The following TCF4 variants were observed in gnomAD, a reference collection of about 807,000 sequenced individuals.
The protein encoded by TCF4 is SL3-3 enhancer factor 2.
A neutral mutation model predicts 82.1 loss-of-function variants in TCF4; 3 were observed. The observed-to-expected ratio is 0.04, with a 90% CI of 0.02 to 0.09. TCF4 has a LOEUF of 0.09. Ranked by LOEUF, TCF4 falls within the 10% of genes least tolerant of loss-of-function variation. The pLI, the probability that TCF4 is intolerant of heterozygous loss-of-function variation, is 1.00. For missense variants in TCF4, 518 were observed against 852.7 expected, an observed-to-expected ratio of 0.61 and a Z score of 4.89; for synonymous variants, 276 against 309.6, an observed-to-expected ratio of 0.89 and a Z score of 1.14.
chr18:55,229,064 A>G lies in TCF4; in HGVS notation c.1662T>C (p.Asp554=). Residue 554 remains aspartate (D), a synonymous_variant, in exon 18 of 20, where the codon GAT becomes GAC. Transcript: ENST00000354452. ...ITRSRSSNND[D]EDLTPEQKAE... is the part of the protein sequence containing the mutation. ...CCTTCTGCTCTGGTGTCAGGTCCTCATCGTCATTATTGCTGTGGGACAAAA... is the reference window on the plus strand; with the variant it reads ...CCTTCTGCTCTGGTGTCAGGTCCTCGTCGTCATTATTGCTGTGGGACAAAA... The G allele has an allele frequency of 6.2e-7, 1 of 1,614,092 alleles. No individual in the cohort carries two copies. Among genetic ancestry groups the G allele is most frequent in the African/African-American group, 1.3e-5 (1 of 75,020 alleles).
chr18:55,272,480 C>T lies in TCF4; in HGVS notation c.790-2517G>A, dbSNP rs1257764127. Among the ~76,000 whole-genome samples the T allele has an allele frequency of 2.0e-5, 3 of 152,054 alleles. No individual in the cohort carries two copies. The East Asian group carries it at 5.8e-4, about 29-fold the overall frequency. On this transcript the variant is annotated intron_variant, in intron 10 of 19. Transcript: ENST00000354452. ...CAAAGTGCGAGGCTTTACATGCCCA[C>T]TATTCGTTCATTTTAACTTATGATG...
intron 2 of TCF4, among the ~76,000 whole-genome samples, chr18:55,602,075 C>A (rs1351579749): frequency 6.6e-6 from 1 of 152,146 alleles, no homozygotes; most frequent in Non-Finnish European, 1.5e-5. Context: ...CACGTTAATG[C>A]CTACAAAATA....
intron 5 of TCF4, among the ~76,000 whole-genome samples, chr18:55,414,121 T>C (rs2094447678): frequency 1.3e-5 from 2 of 152,118 alleles, no homozygotes; most frequent in Admixed American, 6.5e-5. Context: ...AGGAGAGACA[T>C]GTATGTGAGA....
At chr18:55,538,813 G>GT (rs1468933493) in intron 3 of TCF4, among the ~76,000 whole-genome samples, 2 of 152,118 alleles carry the variant, frequency 1.3e-5, no homozygotes, top group African/African-American at 4.8e-5. Context: ...TAAAAAAATT[G>GT]TAAGATTTTA....
At chr18:55,298,388 A>G (rs1006952826) in intron 8 of TCF4, among the ~76,000 whole-genome samples, 6 of 152,188 alleles carry the variant, frequency 3.9e-5, no homozygotes, top group Admixed American at 6.5e-5. Context: ...CTCAAATCAA[A>G]TATCTCTCCA....
chr18:55,631,248 T>G (rs2148004821), intron 2 of TCF4: 1 of 816,498 alleles, frequency 1.2e-6, no homozygotes, highest in Admixed American at 2.3e-5. Context: ...CAGGATTTCA[T>G]CATGTTGGCC....
intron 3 of TCF4, among the ~76,000 whole-genome samples, chr18:55,561,624 A>C (rs1038647956): frequency 6.6e-6 from 1 of 152,238 alleles, no homozygotes; most frequent in African/African-American, 2.4e-5. Flanking sequence ...TATTCCTTAT[A>C]AAATGTATTT....
At chr18:55,483,212 C>T (rs1390243974) in intron 3 of TCF4, among the ~76,000 whole-genome samples, 1 of 152,260 alleles carries the variant, frequency 6.6e-6, no homozygotes, top group Non-Finnish European at 1.5e-5. Flanking sequence ...CATAAAGTTA[C>T]GAACCATTCT....
intron 8 of TCF4, among the ~76,000 whole-genome samples, chr18:55,325,842 T>A (rs2076459998): frequency 6.6e-6 from 1 of 152,190 alleles, no homozygotes; most frequent in African/African-American, 2.4e-5. Context: ...ATACAATGAT[T>A]ACATAACATA....
upstream of TCF4, chr18:55,591,223 CAAAAT>C (rs2097684877): frequency 6.6e-6 from 1 of 152,204 alleles, no homozygotes. Context: ...GTTCTCATCT[CAAAAT>C]AATATCTTAC....
chr18:55,622,172 C>CAT (rs397942410), intron 2 of TCF4, among the ~76,000 whole-genome samples: 13 of 89,780 alleles, frequency 1.4e-4, no homozygotes, highest in African/African-American at 5.1e-4. Context: ...CACACACACA[C>CAT]GCACTCACAC....
intron 6 of TCF4, among the ~76,000 whole-genome samples, chr18:55,373,171 C>T (rs755561057): frequency 6.6e-6 from 1 of 151,138 alleles, no homozygotes; most frequent in Non-Finnish European, 1.5e-5. Context: ...AAATAAAACA[C>T]AGAGACTATG....
At chr18:55,430,663 C>T (rs1326842129) in intron 5 of TCF4, among the ~76,000 whole-genome samples, 2 of 151,606 alleles carry the variant, frequency 1.3e-5, no homozygotes, top group Non-Finnish European at 2.9e-5. Flanking sequence ...GAGTAGTGAG[C>T]GAAACAGAAG....
chr18:55,245,104 A>G (rs1011790912), intron 15 of TCF4, among the ~76,000 whole-genome samples: 4 of 152,258 alleles, frequency 2.6e-5, no homozygotes, highest in Non-Finnish European at 5.9e-5. Context: ...TCAACCAAAT[A>G]GGTAGAACCC....
chr18:55,301,567 C>T (rs767371600), intron 8 of TCF4, among the ~76,000 whole-genome samples: 8 of 152,094 alleles, frequency 5.3e-5, no homozygotes, highest in Admixed American at 1.3e-4. Context: ...ACACACGCAA[C>T]GGCTCTAATT....
At chr18:55,614,115 G>C (rs2097709647) in intron 2 of TCF4, among the ~76,000 whole-genome samples, 1 of 152,098 alleles carries the variant, frequency 6.6e-6, no homozygotes, top group Non-Finnish European at 1.5e-5. Flanking sequence ...GACTGGTCTT[G>C]AACTCCTATT....
chr18:55,302,373 G>C (rs2068594471), intron 8 of TCF4: 1 of 1,519,704 alleles, frequency 6.6e-7, no homozygotes, highest in African/African-American at 1.4e-5. Flanking sequence ...TGTCAAGTCA[G>C]GCAGGCTCAG....
At chr18:55,566,763 A>G (rs1157683909) in intron 3 of TCF4, among the ~76,000 whole-genome samples, 1 of 152,212 alleles carries the variant, frequency 6.6e-6, no homozygotes, top group Non-Finnish European at 1.5e-5. Context: ...GGTCAAGCAC[A>G]CATGTAATCG....
intron 3 of TCF4, among the ~76,000 whole-genome samples, chr18:55,502,472 T>C (rs2096711947): frequency 6.6e-6 from 1 of 152,198 alleles, no homozygotes; most frequent in Non-Finnish European, 1.5e-5. Context: ...AAGGAAAACT[T>C]GGATGAGAAG....
Sources: gnomAD v4.1 joint callset for allele counts (sites outside exome capture counted in the v4.1 genomes callset) on GRCh38, gnomAD v4.1.1 for gene constraint, MANE v1.5 for transcripts, NCBI Gene and HGNC (gene_info 2026-07-23, HGNC 2026-07-21) for gene names.